EIF4A2: variants seen among roughly 807,000 people sequenced by gnomAD.
EIF4A2 encodes eukaryotic initiation factor 4A-II.
EIF4A2 carries 9 observed loss-of-function variants against 50.6 expected under a neutral mutation model. The ratio of observed to expected loss-of-function variants is 0.18; its 90% CI spans 0.11 to 0.31. EIF4A2 has a LOEUF of 0.31. EIF4A2 is among the 10% of genes least tolerant of loss of function. The pLI, the probability that EIF4A2 is intolerant of heterozygous loss-of-function variation, is 1.00. For synonymous variants in EIF4A2, 215 were observed against 164.4 expected (o/e 1.31, Z -2.35); for missense variants, 182 against 501.8 (o/e 0.36, Z 6.09).
intron 8 of EIF4A2, 85 bp downstream of exon 8, chr3:186,787,349 C>T: frequency 6.2e-7 from 1 of 1,611,940 alleles, no homozygotes; most frequent in Non-Finnish European, 8.5e-7. Context: ...GTTGTCGTTC[C>T]CCCTGCTTAA....
chr3:186,789,895 A>C lies in EIF4A2; in HGVS notation c.*626A>C, dbSNP rs952569387. On this transcript the variant is annotated 3_prime_UTR_variant, in exon 11 of 11. Coordinates refer to ENST00000323963, the MANE Select transcript of EIF4A2 (RefSeq NM_001967.4). ...GTTAAATAAATTGTATATTCACTTT[A>C]AAGGTGCTTTTGGTCATTTTATTTT... 9.7e-6 allele frequency: 9 copies of C among 931,072 alleles called. No homozygotes were observed. In the Admixed American group the frequency reaches 2.0e-4, roughly 21 times the overall value. 57.7% of individuals were successfully genotyped at this position (931,072 alleles called of 1,614,324 possible).
rs1333171573 is a variant in EIF4A2 at position 186,789,817 on chromosome 3, G to C, written c.*548G>C. On this transcript the variant is annotated 3_prime_UTR_variant, in exon 11 of 11. Coordinates refer to ENST00000323963, the MANE Select transcript of EIF4A2 (RefSeq NM_001967.4). ...GCCCCAGCAAGCAATCCTAGGTAGG[G>C]TTTAATCCCCAGTAAAATTGCCATA... 3.2e-6 allele frequency: 2 copies of C among 626,332 alleles called. No individual in the cohort carries two copies. The highest frequency in any genetic ancestry group is 3.7e-5 in the African/African-American group (2 of 54,490). The allele number at this position is 626,332 out of a possible 1,614,324, so 38.8% of individuals were successfully genotyped here.
chr3:186,784,331 G>C, intron 1 of EIF4A2, 101 bp from the exon 2 acceptor site: 7 of 1,546,598 alleles, frequency 4.5e-6, no homozygotes, highest in South Asian at 1.1e-5. Flanking sequence ...GCTTGTGCAG[G>C]GGAGGCTAAC....
intron 10 of EIF4A2, chr3:186,788,084 T>C (rs1721861203): frequency 1.4e-6 from 1 of 714,700 alleles, no homozygotes; most frequent in Non-Finnish European, 2.2e-6. Context: ...ATTGTGGACA[T>C]AGGGTTTTTT....
chr3:186,783,674 A>C (rs780838557), intron 1 of EIF4A2, 35 bp downstream of exon 1: 1 of 1,613,944 alleles, frequency 6.2e-7, no homozygotes, highest in South Asian at 1.1e-5. Context: ...GTCTGTAGTG[A>C]AGGTCATAGG....
chr3:186,783,917 G>T lies in EIF4A2; in HGVS notation c.29+278G>T, dbSNP rs1721521468. The T allele has an allele frequency of 6.5e-6, 3 of 464,946 alleles. No individual in the cohort carries two copies. In the East Asian group the frequency reaches 1.0e-4, roughly 16 times the overall value. The allele number at this position is 464,946 out of a possible 1,614,324, so 28.8% of individuals were successfully genotyped here. Reference sequence around the variant, plus strand: ...TCCCAGTGTAGAGCACGGGAAACATGGAGTAAAAAGCCGTGGCGCAGTCCG... The same window carrying T: ...TCCCAGTGTAGAGCACGGGAAACATTGAGTAAAAAGCCGTGGCGCAGTCCG... On this transcript the variant is annotated intron_variant, in intron 1 of 10. Coordinates refer to ENST00000323963, the MANE Select transcript of EIF4A2 (RefSeq NM_001967.4).
intron 6 of EIF4A2, 96 bp from the exon 7 acceptor site, chr3:186,786,406 T>C (rs1177991636): frequency 6.4e-7 from 1 of 1,550,720 alleles, no homozygotes; most frequent in East Asian, 2.3e-5. Context: ...TCTGTCTACC[T>C]TCATTCCGTA....
chr3:186,786,641 G>T lies in EIF4A2; in HGVS notation c.767G>T (p.Arg256Ile). The change falls in exon 7 of 11, where the codon AGA becomes ATA. Residue 256 changes from arginine (R) to isoleucine (I), a missense_variant. Arg to Ile is a moderately conservative substitution (Grantham distance 97). Coordinates refer to ENST00000323963, the MANE Select transcript of EIF4A2 (RefSeq NM_001967.4). ...GIKQFYINVE[R>I]EEWKLDTLCD... ...AAACAGTTTTATATTAATGTTGAGA[G>T]AGAGGTAACTGTCTGATTGTTAGAC... 1 of 1,613,986 alleles carries T rather than the reference G, an allele frequency of 6.2e-7. No homozygotes were observed. The highest frequency in any genetic ancestry group is 1.1e-5 in the South Asian group (1 of 91,034).
rs764510573 is a variant in EIF4A2 at position 186,787,367 on chromosome 3, T to C, written c.909+103T>C. ...GTCGTTCCCCCTGCTTAAAATAAAGTTGTTTCTTAACTATACCTGTCTGCT... is the reference window on the plus strand; with the variant it reads ...GTCGTTCCCCCTGCTTAAAATAAAGCTGTTTCTTAACTATACCTGTCTGCT... On this transcript the variant is annotated intron_variant, in intron 8 of 10. Transcript: ENST00000323963. 2.4e-5 allele frequency: 39 copies of C among 1,611,130 alleles called. No homozygotes were observed. The Admixed American group carries it at 6.3e-4, about 26-fold the overall frequency.
chr3:186,786,539 T>G lies in EIF4A2; in HGVS notation c.665T>G (p.Leu222Trp), dbSNP rs1721724289. 6.2e-7 allele frequency: 1 copy of G among 1,612,878 alleles called. No homozygotes were observed. The highest frequency in any genetic ancestry group is 8.5e-7 in the Non-Finnish European group (1 of 1,179,984). ...LLSATMPTDVLEVTKKFMRDP... is the reference protein window; with the variant it reads ...LLSATMPTDVWEVTKKFMRDP... The stretch of plus-strand genomic sequence containing the variant: ...TCTGCCACAATGCCAACTGATGTGT[T>G]GGAAGTGACCAAAAAATTCATGAGA... Residue 222 changes from leucine to tryptophan, a missense_variant, in exon 7 of 11, where the codon TTG (leucine) becomes TGG (tryptophan). Around this residue, in one of 7 missense-constraint regions of EIF4A2, gnomAD observed 113 missense variants for 357.3 expected, o/e 0.32. Coordinates refer to ENST00000323963, the MANE Select transcript of EIF4A2 (RefSeq NM_001967.4).
In EIF4A2 at chr3:186,786,573, T is replaced by G; in HGVS notation, c.699T>G (p.Ile233Met). 2 of 1,613,802 alleles carry G rather than the reference T, an allele frequency of 1.2e-6. No homozygotes were observed. Among genetic ancestry groups the G allele is most frequent in the Non-Finnish European group, 1.7e-6 (2 of 1,179,976 alleles). ...CCAAAAAATTCATGAGAGATCCAAT[T>G]CGAATTCTGGTGAAAAAGGAAGAAT... ...EVTKKFMRDP[I>M]RILVKKEELT... Residue 233 changes from isoleucine to methionine, a missense_variant, in exon 7 of 11, where the codon ATT becomes ATG. This residue lies in a region of EIF4A2 where 113 missense variants were observed against 357.3 expected (regional missense o/e 0.32). Transcript: ENST00000323963.
chr3:186,784,214 G>T, intron 1 of EIF4A2: 1 of 631,846 alleles, frequency 1.6e-6, no homozygotes, highest in Non-Finnish European at 2.7e-6. Flanking sequence ...GTTGAAACGG[G>T]ATCGCCATGC....
chr3:186,786,363 C>T (rs1721707300), intron 6 of EIF4A2, 90 bp downstream of exon 6: 27 of 1,508,980 alleles, frequency 1.8e-5, no homozygotes, highest in South Asian at 1.6e-4. Context: ...GTTTTGTTGT[C>T]GTTCCCCCTG....
intron 10 of EIF4A2, chr3:186,788,470 C>G: frequency 8.2e-7 from 1 of 1,214,050 alleles, no homozygotes; most frequent in Non-Finnish European, 1.1e-6. Flanking sequence ...TTTTAAGTTG[C>G]TCCAGCTAAG....
chr3:186,786,285 T>C lies in EIF4A2; in HGVS notation c.627+12T>C, dbSNP rs1335193319. On this transcript the variant is annotated intron_variant, in intron 6 of 10. Coordinates refer to ENST00000323963, the MANE Select transcript of EIF4A2 (RefSeq NM_001967.4). ...ACACAAGTATTCAGGTAAGCATTAC[T>C]TCACCCCCCTCTTAAAGGTAGAGAT... 2 of 1,606,524 alleles carry C rather than the reference T, an allele frequency of 1.2e-6. No homozygotes were observed. Among genetic ancestry groups the C allele is most frequent in the South Asian group, 1.1e-5 (1 of 90,144 alleles).
In EIF4A2 at chr3:186,786,008, T is replaced by C. The variant is rs575244960; in HGVS notation, c.474T>C (p.Gly158=). The C allele has an allele frequency of 1.9e-6, 3 of 1,612,734 alleles. No homozygotes were observed. Among genetic ancestry groups the C allele is most frequent in the South Asian group, 1.1e-5 (1 of 91,064 alleles). The change falls in exon 5 of 11, where the codon GGT becomes GGC. Residue 158 remains glycine, a synonymous_variant. Transcript: ENST00000323963. ...LQAEAPHIVV[G]TPGRVFDMLN... ...CTGAAGCACCACATATTGTTGTTGG[T>C]ACACCCGGGAGAGTGTTTGATATGT...
chr3:186,786,968 C>A (rs1011088217), intron 7 of EIF4A2, 159 bp from the exon 8 acceptor site: 2 of 1,154,384 alleles, frequency 1.7e-6, no homozygotes, highest in South Asian at 1.5e-5. Flanking sequence ...GTTTCACTTT[C>A]TTGAAACCCT....
chr3:186,788,514 CCTTT>C (rs1721909804), intron 10 of EIF4A2: 17 of 1,037,044 alleles, frequency 1.6e-5, no homozygotes, highest in South Asian at 1.2e-4. Flanking sequence ...TATTAGGGAA[CCTTT>C]CTTATTAGGT....
chr3:186,783,813 G>A (rs1300238992), intron 1 of EIF4A2, 174 bp downstream of exon 1: 3 of 1,028,312 alleles, frequency 2.9e-6, no homozygotes, highest in African/African-American at 3.2e-5. Flanking sequence ...ATTGTGGGGA[G>A]ATAGGACGGT....
Sources: gnomAD v4.1 joint callset for allele counts on GRCh38, gnomAD v4.1.1 for gene constraint, gnomAD v4.1.1 regional missense constraint, MANE v1.5 for transcripts, NCBI Gene and HGNC (gene_info 2026-07-23, HGNC 2026-07-21) for gene names.